The following STARD3NL variants were observed in gnomAD, a reference collection of about 807,000 sequenced individuals.
The protein encoded by STARD3NL is STARD3 N-terminal like.
Under a neutral mutation model 30.9 loss-of-function variants are expected in STARD3NL, and 17 were observed. The observed-to-expected ratio is 0.55, with a 90% CI of 0.38 to 0.82. STARD3NL has a LOEUF of 0.82. Among genes scored for constraint, STARD3NL ranks in the 40% least tolerant of loss-of-function variants. STARD3NL has a pLI of 0.00. For synonymous variants in STARD3NL, 112 were observed against 100.5 expected (o/e 1.11, Z -0.69); for missense variants, 234 against 277.6 (o/e 0.84, Z 1.12).
intron 1 of STARD3NL, among the ~76,000 whole-genome samples, chr7:38,205,661 A>C (rs1478968133): frequency 6.6e-6 from 1 of 152,142 alleles, no homozygotes; most frequent in African/African-American, 2.4e-5. Context: ...TTGTGTATAC[A>C]TGTATATACT....
chr7:38,213,900 A>G (rs551050014), intron 2 of STARD3NL, among the ~76,000 whole-genome samples: 2 of 152,346 alleles, frequency 1.3e-5, no homozygotes, highest in African/African-American at 4.8e-5. Flanking sequence ...TTACACTTCT[A>G]TCCTGTGTCA....
At chr7:38,207,787 T>A in intron 2 of STARD3NL, 58 bp downstream of exon 2, 1 of 1,481,630 alleles carries the variant, frequency 6.7e-7, no homozygotes, top group Admixed American at 1.8e-5. Flanking sequence ...CAACAGGGTT[T>A]TTTTGTTCGT....
intron 7 of STARD3NL, among the ~76,000 whole-genome samples, chr7:38,228,531 G>A (rs1455953030): frequency 1.3e-5 from 2 of 152,238 alleles, no homozygotes; most frequent in African/African-American, 4.8e-5. Flanking sequence ...ATTGATAATA[G>A]TTATTGGTCT....
At chr7:38,220,358 C>T (rs566686354) in intron 7 of STARD3NL, among the ~76,000 whole-genome samples, 148 of 152,174 alleles carry the variant, frequency 9.7e-4, no homozygotes, top group Middle Eastern at 3.4e-3. Context: ...AACAAATGGC[C>T]AATAAGCACA....
intron 4 of STARD3NL, chr7:38,215,752 GAAAA>G (rs1786071429): frequency 6.6e-6 from 1 of 152,328 alleles, no homozygotes; most frequent in Non-Finnish European, 1.5e-5. Flanking sequence ...TCTATGGGAA[GAAAA>G]TGTGGAGCTC....
In STARD3NL at chr7:38,228,795, G is replaced by T. The variant is rs777266145; in HGVS notation, c.650-4G>T. On this transcript the variant is annotated splice_polypyrimidine_tract_variant and splice_region_variant and intron_variant, in intron 7 of 8. Coordinates refer to ENST00000009041, the MANE Select transcript of STARD3NL (RefSeq NM_032016.4). Reference sequence around the variant, plus strand: ...TTTTCTTTGTCCCCTTCTCCACCACGTAGGATCTGAAGAAGCTGAAGAAAA... The same window carrying T: ...TTTTCTTTGTCCCCTTCTCCACCACTTAGGATCTGAAGAAGCTGAAGAAAA... 6.2e-7 allele frequency: 1 copy of T among 1,611,546 alleles called. No homozygotes were observed. The highest frequency in any genetic ancestry group is 1.3e-5 in the African/African-American group (1 of 74,884).
At chr7:38,216,964 G>A in intron 4 of STARD3NL, 61 bp from the exon 5 acceptor site, 1 of 1,577,550 alleles carries the variant, frequency 6.3e-7, no homozygotes. Flanking sequence ...TTGTGAAGAG[G>A]GAGGTACCTT....
rs1786337018 is a variant in STARD3NL, at chr7:38,219,662, T to TA, written c.649+8dup. ...ATTCCCCTCCTGAATCCGAAGCAGG[T>TA]AAAAAACTTGATTATTATTTGTGCT... On this transcript the variant is annotated splice_region_variant and intron_variant, in intron 7 of 8. Coordinates refer to ENST00000009041, the MANE Select transcript of STARD3NL (RefSeq NM_032016.4). 1.2e-6 allele frequency: 2 copies of TA among 1,610,714 alleles called. No individual in the cohort carries two copies. Among genetic ancestry groups the TA allele is most frequent in the Admixed American group, 1.7e-5 (1 of 59,950 alleles).
chr7:38,225,933 T>A (rs528852921), intron 7 of STARD3NL, among the ~76,000 whole-genome samples: 1 of 152,360 alleles, frequency 6.6e-6, no homozygotes, highest in East Asian at 1.9e-4. Flanking sequence ...TGGATTAATA[T>A]TTCTCAGCCA....
chr7:38,203,191 C>T (rs181463289), intron 1 of STARD3NL, among the ~76,000 whole-genome samples: 43 of 152,082 alleles, frequency 2.8e-4, no homozygotes, highest in African/African-American at 8.7e-4. Flanking sequence ...TCAGATTCAC[C>T]GAAGTTGAAA....
At chr7:38,186,535 TAAC>T (rs2115947079) in intron 1 of STARD3NL, among the ~76,000 whole-genome samples, 1 of 152,332 alleles carries the variant, frequency 6.6e-6, no homozygotes, top group South Asian at 2.1e-4. Flanking sequence ...ATGTGCTGCA[TAAC>T]AACATTTAGG....
intron 7 of STARD3NL, among the ~76,000 whole-genome samples, chr7:38,227,694 G>A (rs1032776684): frequency 6.6e-6 from 1 of 151,848 alleles, no homozygotes; most frequent in Non-Finnish European, 1.5e-5. Context: ...CCTCTTCCCT[G>A]ATTATGAAAG....
At position 38,214,349 on chromosome 7, in the gene STARD3NL, C is replaced by G. The variant is rs1238610060; in HGVS notation, c.226-8C>G. On this transcript the variant is annotated splice_polypyrimidine_tract_variant and splice_region_variant and intron_variant, in intron 2 of 8. Coordinates refer to ENST00000009041, the MANE Select transcript of STARD3NL (RefSeq NM_032016.4). ...CTCCTTGTTTTTGCTTCTTACTCTCCTTTCTAGGTGAATGGAGGCATTGAG... is the reference window on the plus strand; with the variant it reads ...CTCCTTGTTTTTGCTTCTTACTCTCGTTTCTAGGTGAATGGAGGCATTGAG... 1 of 1,588,624 alleles carries G rather than the reference C, an allele frequency of 6.3e-7. No homozygotes were observed. Among genetic ancestry groups the G allele is most frequent in the East Asian group, 2.3e-5 (1 of 44,106 alleles).
intron 4 of STARD3NL, chr7:38,216,486 T>TGTGTGTGTGA (rs779725434): frequency 0.053 from 7,994 of 150,594 alleles, 228 homozygotes; most frequent in Middle Eastern, 0.11. Context: ...TGTGTGTGAG[T>TGTGTGTGTGA]GTGTGTGTGT....
intron 7 of STARD3NL, among the ~76,000 whole-genome samples, chr7:38,224,182 C>G (rs1006863160): frequency 1.3e-5 from 2 of 152,078 alleles, no homozygotes; most frequent in African/African-American, 4.8e-5. Context: ...GGATATACAA[C>G]ATATTGTCTG....
intron 7 of STARD3NL, among the ~76,000 whole-genome samples, chr7:38,224,254 G>C (rs1471949267): frequency 1.3e-5 from 2 of 152,156 alleles, no homozygotes; most frequent in African/African-American, 4.8e-5. Flanking sequence ...AGTATATCCA[G>C]CTATGAACAT....
intron 7 of STARD3NL, among the ~76,000 whole-genome samples, chr7:38,220,062 T>A (rs1265012816): frequency 6.6e-6 from 1 of 152,218 alleles, no homozygotes; most frequent in South Asian, 2.1e-4. Context: ...CCCGTTCTTA[T>A]GGCTCACATC....
At chr7:38,220,006 A>T (rs1303455766) in intron 7 of STARD3NL, among the ~76,000 whole-genome samples, 2 of 152,206 alleles carry the variant, frequency 1.3e-5, no homozygotes, top group Admixed American at 6.5e-5. Flanking sequence ...AGCACTGTCC[A>T]GCCAGTTGCC....
intron 7 of STARD3NL, among the ~76,000 whole-genome samples, chr7:38,223,315 C>T (rs1299222799): frequency 6.6e-6 from 1 of 152,170 alleles, no homozygotes; most frequent in Non-Finnish European, 1.5e-5. Flanking sequence ...AGACCGCATC[C>T]TGCATCCCTT....
Sources: allele counts gnomAD v4.1 joint callset (sites outside exome capture counted in the v4.1 genomes callset), GRCh38; gene constraint gnomAD v4.1.1; transcripts MANE v1.5; gene names NCBI Gene and HGNC (gene_info 2026-07-23, HGNC 2026-07-21).